FIG4: variants seen among roughly 807,000 people sequenced by gnomAD.
The protein encoded by FIG4 is FIG4 phosphoinositide 5-phosphatase.
FIG4 carries 112 observed loss-of-function variants against 118.6 expected under a neutral mutation model. That is an observed-to-expected ratio of 0.94 (90% CI 0.81 to 1.11). The LOEUF is 1.11. Ranked by LOEUF, FIG4 falls within the 50% of genes least tolerant of loss-of-function variation. The pLI, the probability that FIG4 is intolerant of heterozygous loss-of-function variation, is 0.00. For synonymous variants in FIG4, 369 were observed against 381.2 expected, an observed-to-expected ratio of 0.97 and a Z score of 0.37; for missense variants, 969 against 1,111.7, an observed-to-expected ratio of 0.87 and a Z score of 1.83.
intron 3 of FIG4, among the ~76,000 whole-genome samples, chr6:109,719,797 T>A (rs1285886778): frequency 6.6e-6 from 1 of 152,218 alleles, no homozygotes; most frequent in Non-Finnish European, 1.5e-5. Flanking sequence ...TTTTGTTTTT[T>A]TTTAATACTT....
chr6:109,725,432 C>T (rs1775773005), intron 3 of FIG4, among the ~76,000 whole-genome samples: 1 of 152,144 alleles, frequency 6.6e-6, no homozygotes, highest in Admixed American at 6.5e-5. Context: ...AGGACATGAA[C>T]TCATCCTTTT....
intron 1 of FIG4, among the ~76,000 whole-genome samples, chr6:109,708,812 AT>A (rs970581812): frequency 2.0e-4 from 30 of 149,360 alleles, no homozygotes; most frequent in East Asian, 9.9e-4. Context: ...TTTTTTAATG[AT>A]TTTTTTTCGT....
intron 10 of FIG4, among the ~76,000 whole-genome samples, chr6:109,753,905 T>C (rs1051992721): frequency 3.0e-4 from 46 of 152,220 alleles, no homozygotes; most frequent in Non-Finnish European, 5.6e-4. Context: ...TTTGACTTCC[T>C]CTTTTCCGAA....
At chr6:109,725,470 A>G (rs1775775281) in intron 3 of FIG4, among the ~76,000 whole-genome samples, 1 of 152,142 alleles carries the variant, frequency 6.6e-6, no homozygotes, top group Admixed American at 6.5e-5. Flanking sequence ...TCCATGGTGT[A>G]TATGTGCCAC....
chr6:109,817,581 AAAG>A (rs1562700132), intron 22 of FIG4, among the ~76,000 whole-genome samples: 1 of 152,178 alleles, frequency 6.6e-6, no homozygotes, highest in East Asian at 1.9e-4. Context: ...AAAAAAAAAA[AAAG>A]AGTATAATTC....
At position 109,792,579 on chromosome 6, in the gene FIG4, C is replaced by A; in HGVS notation, c.2377-3C>A. The A allele has an allele frequency of 6.4e-7, 1 of 1,571,750 alleles. No individual in the cohort carries two copies. The highest frequency in any genetic ancestry group is 8.7e-7 in the Non-Finnish European group (1 of 1,144,218). ...GTTCTTCTTTTTTTTTTTTAAACCC[C>A]AGAATGTGGTCCAACCCATGAAGGA... On this transcript the variant is annotated splice_polypyrimidine_tract_variant and splice_region_variant and intron_variant, in intron 20 of 22. Transcript: ENST00000230124.
chr6:109,807,735 T>G (rs372525779), intron 22 of FIG4, among the ~76,000 whole-genome samples: 10 of 152,122 alleles, frequency 6.6e-5, no homozygotes, highest in African/African-American at 2.4e-4. Context: ...GTTTTTATGG[T>G]TTTAGGTCTT....
chr6:109,806,692 G>C (rs1778573951), intron 22 of FIG4, among the ~76,000 whole-genome samples: 1 of 151,620 alleles, frequency 6.6e-6, no homozygotes, highest in South Asian at 2.1e-4. Flanking sequence ...TGTTACATAG[G>C]TATACATGTG....
chr6:109,703,345 C>T (rs1009366348), intron 1 of FIG4, among the ~76,000 whole-genome samples: 1 of 151,830 alleles, frequency 6.6e-6, no homozygotes, highest in African/African-American at 2.4e-5. Context: ...TTTGTGCTCT[C>T]TTCTTTTTAT....
chr6:109,783,806 C>T (rs541696966), intron 16 of FIG4, among the ~76,000 whole-genome samples: 32 of 152,328 alleles, frequency 2.1e-4, no homozygotes, highest in Non-Finnish European at 4.0e-4. Flanking sequence ...AACAAGATCC[C>T]AAAGTGATTT....
Position 109,785,021 on chromosome 6 carries a change from T to C in FIG4, c.1941T>C (p.Tyr647=). 1.3e-6 allele frequency: 2 copies of C among 1,563,564 alleles called. No individual in the cohort carries two copies. Among genetic ancestry groups the C allele is most frequent in the East Asian group, 2.2e-5 (1 of 44,606 alleles). Residue 647 remains tyrosine, a synonymous_variant, in exon 17 of 23, where the codon TAT becomes TAC. Transcript: ENST00000230124. ...TGATAAAGCATTTACCATTGCCCTA[T>C]GATGAAGGTAGGTAACTGTTTGTGT... is the stretch of plus-strand genomic sequence containing the variant. ...PEVIKHLPLP[Y]DEVICAVNLK...
At chr6:109,815,668 A>G (rs574882024) in intron 22 of FIG4, among the ~76,000 whole-genome samples, 163 of 152,144 alleles carry the variant, frequency 1.1e-3, no homozygotes, top group African/African-American at 3.8e-3. Flanking sequence ...CATAAAGGCC[A>G]TCGGCACTGA....
rs1562648373 is a variant in FIG4, at chr6:109,727,109, GT to G, written c.294del (p.Phe98LeufsTer5). ...TTTCTCTTTATTTTTTGTTGCATAG[GT>G]TTTGTCAGGTTCTTAGAAGGCTATT... ...FRAVSAFGVV[G>X]FVRFLEGYYI... On this transcript the variant is annotated frameshift_variant and splice_region_variant, in exon 4 of 23. Transcript: ENST00000230124. LOFTEE classifies it high-confidence loss of function. 6.2e-7 allele frequency: 1 copy of G among 1,607,916 alleles called. No homozygotes were observed. The highest frequency in any genetic ancestry group is 1.7e-5 in the Admixed American group (1 of 59,962).
At chr6:109,782,012 A>C (rs768307679) in intron 16 of FIG4, among the ~76,000 whole-genome samples, 1 of 152,102 alleles carries the variant, frequency 6.6e-6, no homozygotes, top group Non-Finnish European at 1.5e-5. Context: ...GCTGACATTC[A>C]TGAATGTTTC....
intron 1 of FIG4, among the ~76,000 whole-genome samples, chr6:109,700,539 T>C (rs1193150792): frequency 1.3e-5 from 2 of 152,238 alleles, no homozygotes; most frequent in African/African-American, 4.8e-5. Flanking sequence ...TGGGAAGTAT[T>C]TGAAAGAAAT....
chr6:109,774,990 A>G (rs1777577794), intron 15 of FIG4, among the ~76,000 whole-genome samples: 1 of 152,334 alleles, frequency 6.6e-6, no homozygotes, highest in Non-Finnish European at 1.5e-5. Context: ...CTAATTAAAA[A>G]GAATTGTTAT....
In FIG4 at chr6:109,777,078, C is replaced by A; in HGVS notation, c.1889+18C>A. 6.2e-7 allele frequency: 1 copy of A among 1,607,100 alleles called. No individual in the cohort carries two copies. Among genetic ancestry groups the A allele is most frequent in the South Asian group, 1.1e-5 (1 of 90,882 alleles). On this transcript the variant is annotated intron_variant, in intron 16 of 22. Transcript: ENST00000230124. The stretch of plus-strand genomic sequence containing the variant: ...AGAAGAAGGTATTTTTCTTCCTAGT[C>A]TGTAATATAAACTCCCATTTGGTGT...
intron 3 of FIG4, among the ~76,000 whole-genome samples, chr6:109,723,295 A>T (rs927324854): frequency 1.3e-5 from 2 of 152,148 alleles, no homozygotes; most frequent in Non-Finnish European, 2.9e-5. Flanking sequence ...AAGTTCAGGG[A>T]ACCTGAAAGT....
chr6:109,812,581 A>G (rs1778750447), intron 22 of FIG4, among the ~76,000 whole-genome samples: 1 of 152,208 alleles, frequency 6.6e-6, no homozygotes, highest in African/African-American at 2.4e-5. Flanking sequence ...TTCAAGAAGG[A>G]AAATGGGCAG....
Sources: gnomAD v4.1 joint callset for allele counts (sites outside exome capture counted in the v4.1 genomes callset) on GRCh38, gnomAD v4.1.1 for gene constraint, MANE v1.5 for transcripts, NCBI Gene and HGNC (gene_info 2026-07-23, HGNC 2026-07-21) for gene names.